The following DNAH14 variants were observed in gnomAD, a reference collection of about 807,000 sequenced individuals.
DNAH14 encodes the protein dynein axonemal heavy chain 14, also known as axonemal beta dynein heavy chain 14.
In DNAH14, 478 loss-of-function variants were observed where a neutral mutation model predicts 520.9. That is an observed-to-expected ratio of 0.92 (90% confidence interval 0.85 to 0.99). The LOEUF is 0.99. DNAH14 is among the 50% of genes least tolerant of loss of function. The pLI, the probability that DNAH14 is intolerant of heterozygous loss-of-function variation, is 0.00. For missense variants in DNAH14, 4,831 were observed against 5,234.5 expected (o/e 0.92, Z 2.38); for synonymous variants, 1,581 against 1,757.2 (o/e 0.90, Z 2.51).
chr1:225,002,826 C>G lies in DNAH14; in HGVS notation c.874C>G (p.Gln292Glu). 1 of 1,549,224 alleles carries G rather than the reference C, an allele frequency of 6.5e-7. No individual in the cohort carries two copies. Among genetic ancestry groups the G allele is most frequent in the Non-Finnish European group, 8.7e-7 (1 of 1,145,800 alleles). Residue 292 changes from glutamine (Q) to glutamate (E), a missense_variant, in exon 9 of 86, where the codon CAA (glutamine) becomes GAA (glutamate). Physicochemically the swap from Gln to Glu is conservative, Grantham distance 29. Transcript: ENST00000682510. ...HHLFLADDLFQTCLVYIRGLC... is the reference protein window; with the variant it reads ...HHLFLADDLFETCLVYIRGLC... Reference sequence around the variant, plus strand: ...TCTTTTTTTGGCTGATGACTTGTTTCAAACCTGTTTGGTTTATATAAGAGG... The same window carrying G: ...TCTTTTTTTGGCTGATGACTTGTTTGAAACCTGTTTGGTTTATATAAGAGG...
chr1:224,963,249 A>G (rs1479640616), intron 4 of DNAH14, among the ~76,000 whole-genome samples: 1 of 152,062 alleles, frequency 6.6e-6, no homozygotes, highest in Non-Finnish European at 1.5e-5. Flanking sequence ...TGTGTATGGT[A>G]GCTTTTCTTG....
chr1:225,159,849 T>G (rs921732904), intron 35 of DNAH14, among the ~76,000 whole-genome samples: 3 of 152,196 alleles, frequency 2.0e-5, no homozygotes, highest in African/African-American at 7.2e-5. Flanking sequence ...ATTGTAAATA[T>G]TCTGTAATTA....
intron 66 of DNAH14, among the ~76,000 whole-genome samples, chr1:225,336,005 G>GTACATATGTGTA (rs1553337553): frequency 1.2e-5 from 1 of 83,256 alleles, no homozygotes; most frequent in Non-Finnish European, 2.4e-5. Flanking sequence ...ATGCATATAT[G>GTACATATGTGTA]TATACGCATA....
chr1:225,224,968 T>G (rs2090401947), intron 41 of DNAH14, among the ~76,000 whole-genome samples: 1 of 152,154 alleles, frequency 6.6e-6, no homozygotes, highest in Admixed American at 6.5e-5. Flanking sequence ...AACGTACACG[T>G]CCTATTTTTA....
chr1:225,351,831 T>C lies in DNAH14; in HGVS notation c.11481T>C (p.Pro3827=), dbSNP rs1382253892. Residue 3827 remains proline, a synonymous_variant, in exon 72 of 86, where the codon CCT becomes CCC. Transcript: ENST00000682510. ...CAGTTTATTCTCTGATCAGCACACC[T>C]TTCTCTTCAGAAAATGCTTCATTGG... is the stretch of plus-strand genomic sequence containing the variant. ...SKAVYSLIST[P]FSSENASLEE... 1 of 1,551,242 alleles carries C rather than the reference T, an allele frequency of 6.4e-7. No homozygotes were observed. The highest frequency in any genetic ancestry group is 8.7e-7 in the Non-Finnish European group (1 of 1,146,712).
At chr1:225,250,684 C>A in intron 43 of DNAH14, 1 of 562,910 alleles carries the variant, frequency 1.8e-6, no homozygotes, top group Non-Finnish European at 3.3e-6. Context: ...AGTCACAGGG[C>A]AGACGGAGAA....
chr1:224,984,484 A>G (rs1200515780), intron 8 of DNAH14, among the ~76,000 whole-genome samples: 1 of 152,238 alleles, frequency 6.6e-6, no homozygotes, highest in Non-Finnish European at 1.5e-5. Flanking sequence ...TGGCTTAGGC[A>G]AGGATTTCAT....
In DNAH14 at chr1:225,259,103, G is replaced by A. The variant is rs183102697; in HGVS notation, c.7025-18G>A. The A allele has an allele frequency of 1.3e-5, 20 of 1,535,910 alleles. No individual in the cohort carries two copies. The highest frequency in any genetic ancestry group is 1.7e-5 in the Non-Finnish European group (19 of 1,142,400). ...TTTTCTTGCATATACATCTAACCTT[G>A]TGTATTTTTTCCCTTAGGAGAATCT... On this transcript the variant is annotated intron_variant, in intron 45 of 85. Coordinates refer to ENST00000682510, the MANE Select transcript of DNAH14 (RefSeq NM_001367479.1).
chr1:225,211,663 T>G (rs1047433016), intron 41 of DNAH14, among the ~76,000 whole-genome samples: 8 of 151,716 alleles, frequency 5.3e-5, no homozygotes, highest in Admixed American at 2.6e-4. Context: ...AAAAGACTCC[T>G]CAAGAAGAGA....
intron 38 of DNAH14, among the ~76,000 whole-genome samples, chr1:225,200,649 T>C (rs188891267): frequency 6.6e-6 from 1 of 152,298 alleles, no homozygotes; most frequent in Non-Finnish European, 1.5e-5. Context: ...TCTTGGCTGA[T>C]AATTGTTTTG....
chr1:225,337,610 CAG>C (rs2095083939), intron 67 of DNAH14, 114 bp downstream of exon 67: 1 of 764,316 alleles, frequency 1.3e-6, no homozygotes. Flanking sequence ...AAAATAATAA[CAG>C]ACATACACAC....
Position 225,324,863 on chromosome 1 carries a change from G to C in DNAH14, c.9723+31G>C, listed in dbSNP as rs780109278. 47 of 1,489,636 alleles carry C rather than the reference G, an allele frequency of 3.2e-5. No individual in the cohort carries two copies. The East Asian group carries it at 1.0e-3, about 32-fold the overall frequency. 92.3% of individuals were successfully genotyped at this position (1,489,636 alleles called of 1,614,324 possible). On this transcript the variant is annotated intron_variant, in intron 64 of 85. Transcript: ENST00000682510. ...AAATACAGTTCAGTTCTCAAAATAA[G>C]ACAAAACACCAGGACAATGTAATTA...
intron 75 of DNAH14, 58 bp downstream of exon 75, chr1:225,360,949 A>G: frequency 6.8e-7 from 1 of 1,462,274 alleles, no homozygotes; most frequent in Non-Finnish European, 9.3e-7. Flanking sequence ...CTATAAAGTA[A>G]AACTGGAAAT....
intron 7 of DNAH14, among the ~76,000 whole-genome samples, chr1:224,970,583 AC>A (rs1427213703): frequency 6.6e-6 from 1 of 152,112 alleles, no homozygotes. Context: ...TGCCCCGGAC[AC>A]CCAGCTTTAA....
chr1:225,100,675 T>A, intron 22 of DNAH14, 38 bp from the exon 23 acceptor site: 1 of 1,436,248 alleles, frequency 7.0e-7, no homozygotes, highest in Non-Finnish European at 9.2e-7. Flanking sequence ...CATAGTGCCT[T>A]AAAAAAAATA....
At chr1:225,015,836 G>C (rs1032321347) in intron 10 of DNAH14, among the ~76,000 whole-genome samples, 18 of 152,192 alleles carry the variant, frequency 1.2e-4, no homozygotes, top group African/African-American at 4.1e-4. Flanking sequence ...CAACAGCCTG[G>C]GCTCCAGAGG....
intron 1 of DNAH14, among the ~76,000 whole-genome samples, chr1:224,941,006 T>C (rs546454760): frequency 6.6e-5 from 10 of 152,346 alleles, no homozygotes; most frequent in African/African-American, 2.4e-4. Flanking sequence ...TATAGCAGCA[T>C]GTTTTATAAT....
chr1:225,251,374 A>C (rs905429712), intron 43 of DNAH14, among the ~76,000 whole-genome samples: 1 of 152,036 alleles, frequency 6.6e-6, no homozygotes, highest in African/African-American at 2.4e-5. Flanking sequence ...GGGTTGCACC[A>C]TGTTGGCCAG....
At chr1:225,248,573 AT>A (rs1175437368) in intron 43 of DNAH14, among the ~76,000 whole-genome samples, 3 of 152,190 alleles carry the variant, frequency 2.0e-5, no homozygotes, top group Admixed American at 2.0e-4. Flanking sequence ...TGTAATGCAA[AT>A]ACAAACCAAA....
Sources: allele counts gnomAD v4.1 joint callset (sites outside exome capture counted in the v4.1 genomes callset), GRCh38; gene constraint gnomAD v4.1.1; transcripts MANE v1.5; gene names NCBI Gene and HGNC (gene_info 2026-07-23, HGNC 2026-07-21).